SLC38A1: variants seen among roughly 807,000 people sequenced by gnomAD.
The protein encoded by SLC38A1 is sodium-coupled neutral amino acid symporter 1.
SLC38A1 carries 18 observed loss-of-function variants against 60.3 expected under a neutral mutation model. The ratio of observed to expected loss-of-function variants is 0.30; its 90% confidence interval spans 0.21 to 0.44. SLC38A1 has a LOEUF of 0.44. Among genes scored for constraint, SLC38A1 ranks in the 20% least tolerant of loss-of-function variants. The pLI, the probability that SLC38A1 is intolerant of heterozygous loss-of-function variation, is 1.00. For missense variants in SLC38A1, 448 were observed against 587.2 expected, an observed-to-expected ratio of 0.76 and a Z score of 2.45; for synonymous variants, 196 against 212.1, an observed-to-expected ratio of 0.92 and a Z score of 0.66.
intron 1 of SLC38A1, among the ~76,000 whole-genome samples, chr12:46,253,148 A>C (rs1347335748): frequency 6.6e-6 from 1 of 152,170 alleles, no homozygotes; most frequent in African/African-American, 2.4e-5. Flanking sequence ...GTACAACATG[A>C]GGACTGTAGT....
chr12:46,244,820 A>T (rs897466316), intron 1 of SLC38A1, among the ~76,000 whole-genome samples: 5 of 152,384 alleles, frequency 3.3e-5, no homozygotes, highest in African/African-American at 9.6e-5. Context: ...TGTTTTCCTT[A>T]GCGTAAACAG....
In SLC38A1 at chr12:46,229,257, T is replaced by C; in HGVS notation, c.210A>G (p.Thr70=). The change falls in exon 5 of 17, where the codon ACA becomes ACG. Residue 70 remains threonine, a synonymous_variant. Transcript: ENST00000398637. ...TAAAAACAGACATGCCTAAGGAGGT[T>C]GTACCTGGAATCTGAACAAAGAAAC... The part of the protein sequence containing the change: ...KKKCDEYIPG[T]TSLGMSVFNL... The C allele has an allele frequency of 1.2e-6, 2 of 1,609,936 alleles. No homozygotes were observed. Among genetic ancestry groups the C allele is most frequent in the South Asian group, 1.1e-5 (1 of 90,700 alleles).
rs377261007 is a variant in SLC38A1 at position 46,214,401 on chromosome 12, C to G, written c.315-5274G>C. On this transcript the variant is annotated intron_variant, in intron 5 of 16. Transcript: ENST00000398637. ...CATCGATTTGAAAAACGTTATTTGTCAATGTTTTGAATCATATTAACAGAA... is the reference window on the plus strand; with the variant it reads ...CATCGATTTGAAAAACGTTATTTGTGAATGTTTTGAATCATATTAACAGAA... 2.6e-5 allele frequency among the ~76,000 whole-genome samples: 4 copies of G among 152,134 alleles called. No homozygotes were observed. In the East Asian group the frequency reaches 5.8e-4, roughly 22 times the overall value.
At chr12:46,189,164 C>G (rs1308187773) in intron 16 of SLC38A1, 93 bp from the exon 17 acceptor site, 2 of 833,314 alleles carry the variant, frequency 2.4e-6, no homozygotes, top group Non-Finnish European at 4.0e-6. Flanking sequence ...TTTCCTCTCC[C>G]TTTGTGTCCT....
chr12:46,237,041 T>C (rs2138183356), intron 3 of SLC38A1, among the ~76,000 whole-genome samples: 1 of 152,322 alleles, frequency 6.6e-6, no homozygotes, highest in East Asian at 1.9e-4. Flanking sequence ...CTCAAATGAC[T>C]CCACTTTTAT....
At chr12:46,227,423 C>T (rs1940909897) in intron 5 of SLC38A1, among the ~76,000 whole-genome samples, 1 of 152,076 alleles carries the variant, frequency 6.6e-6, no homozygotes, top group South Asian at 2.1e-4. Flanking sequence ...ATTAAAGCTA[C>T]CCTTTATGCC....
At chr12:46,204,736 TA>T (rs1207236842) in intron 9 of SLC38A1, 146 bp from the exon 10 acceptor site, 7 of 621,606 alleles carry the variant, frequency 1.1e-5, no homozygotes, top group Non-Finnish European at 1.9e-5. Context: ...AGAGATCCAA[TA>T]ATAAACATAC....
At chr12:46,228,212 A>G (rs1016469419) in intron 5 of SLC38A1, among the ~76,000 whole-genome samples, 1 of 152,214 alleles carries the variant, frequency 6.6e-6, no homozygotes, top group African/African-American at 2.4e-5. Context: ...TGCCTAACAC[A>G]GGGCAGCATG....
intron 6 of SLC38A1, among the ~76,000 whole-genome samples, chr12:46,208,260 A>C (rs962037980): frequency 2.6e-5 from 4 of 152,240 alleles, no homozygotes; most frequent in African/African-American, 9.6e-5. Context: ...CGACTAGCTC[A>C]TCTCAATAAA....
intron 2 of SLC38A1, among the ~76,000 whole-genome samples, chr12:46,240,278 C>A (rs1941401801): frequency 1.3e-5 from 2 of 152,152 alleles, no homozygotes; most frequent in Admixed American, 1.3e-4. Context: ...CTCACTGCAA[C>A]CTCTGCTTCC....
chr12:46,229,220 C>T lies in SLC38A1; in HGVS notation c.247G>A (p.Ala83Thr), dbSNP rs1387383265. Residue 83 changes from alanine (A) to threonine (T), a missense_variant, in exon 5 of 17, where the codon GCC becomes ACC. This residue lies in a region of SLC38A1 where 346 missense variants were observed against 497.5 expected (regional missense o/e 0.70). Coordinates refer to ENST00000398637, the MANE Select transcript of SLC38A1 (RefSeq NM_030674.4). The part of the protein sequence containing the change: ...LGMSVFNLSN[A>T]IMGSGILGLA... ...CCCAAAATCCCACTGCCCATAATGGCGTTGCTTAGGTTAAAAACAGACATG... is the reference window on the plus strand; with the variant it reads ...CCCAAAATCCCACTGCCCATAATGGTGTTGCTTAGGTTAAAAACAGACATG... 4 of 1,613,664 alleles carry T rather than the reference C, an allele frequency of 2.5e-6. No individual in the cohort carries two copies. Among genetic ancestry groups the T allele is most frequent in the Non-Finnish European group, 3.4e-6 (4 of 1,179,772 alleles).
intron 1 of SLC38A1, among the ~76,000 whole-genome samples, chr12:46,263,438 A>T (rs1942259911): frequency 6.6e-6 from 1 of 152,182 alleles, no homozygotes; most frequent in Non-Finnish European, 1.5e-5. Context: ...TGAAATTCTG[A>T]TATTTAAGAG....
In SLC38A1 at chr12:46,252,996, G is replaced by GAAAAA. The variant is rs71437760; in HGVS notation, c.-208-9687_-208-9683dup. Among the ~76,000 whole-genome samples, 49 of 107,206 alleles carry GAAAAA rather than the reference G, an allele frequency of 4.6e-4. 1 individual carries two copies. Among genetic ancestry groups the GAAAAA allele is most frequent in the African/African-American group, 1.6e-3 (44 of 27,668 alleles). The allele number at this position is 107,206 out of a possible 152,430, so 70.3% of individuals were successfully genotyped here. A position where few individuals can be genotyped will look rare whatever the true frequency, so the allele number is the denominator to read the frequency against. On this transcript the variant is annotated intron_variant, in intron 1 of 16. Coordinates refer to ENST00000398637, the MANE Select transcript of SLC38A1 (RefSeq NM_030674.4). Reference sequence around the variant, plus strand: ...TCATGTATACATGGTATCTTTTTTTGAAAAAAAAAAAAAAAAAGTCTGATA... The same window carrying GAAAAA: ...TCATGTATACATGGTATCTTTTTTTGAAAAAAAAAAAAAAAAAAAAAAGTCTGATA...
At position 46,203,010 on chromosome 12, in the gene SLC38A1, T is replaced by C. The variant is rs1939730835; in HGVS notation, c.902A>G (p.Asp301Gly). 1 of 1,611,156 alleles carries C rather than the reference T, an allele frequency of 6.2e-7. No homozygotes were observed. The highest frequency in any genetic ancestry group is 8.5e-7 in the Non-Finnish European group (1 of 1,178,288). The change falls in exon 12 of 17, where the codon GAC (aspartate) becomes GGC (glycine). Residue 301 changes from aspartate to glycine, a missense_variant and splice_region_variant. By Grantham distance (94) the Asp-to-Gly change is moderately conservative. Transcript: ENST00000398637. The part of the protein sequence containing the change: ...SVLPIYSELK[D>G]RSQKKMQMVS... ...ATAAAAAATTAAACAAATTTCTTAC[T>C]CTTTAAGCTCACTGTAAATTGGCAG...
chr12:46,196,062 C>A, intron 16 of SLC38A1: 2 of 1,314,034 alleles, frequency 1.5e-6, no homozygotes, highest in South Asian at 1.3e-5. Flanking sequence ...CAGACCAGAG[C>A]TGTTCCTATT....
rs1565744090 is a variant in SLC38A1, at chr12:46,188,492, T to C, written c.*478A>G. On this transcript the variant is annotated 3_prime_UTR_variant, in exon 17 of 17. Transcript: ENST00000398637. ...TATGTTAACCAAAATAGGCAAATTA[T>C]TTACGAAACCATTTTTTTCTGTAAA... 6.5e-6 allele frequency: 1 copy of C among 153,132 alleles called. No homozygotes were observed. The highest frequency in any genetic ancestry group is 1.5e-5 in the Non-Finnish European group (1 of 68,388). The allele number at this position is 153,132 out of a possible 1,614,324, so 9.5% of individuals were successfully genotyped here. A position where few individuals can be genotyped will look rare whatever the true frequency, so the allele number is the denominator to read the frequency against.
At chr12:46,229,894 T>A (rs1330998488) in intron 3 of SLC38A1, among the ~76,000 whole-genome samples, 1 of 152,206 alleles carries the variant, frequency 6.6e-6, no homozygotes, top group East Asian at 1.9e-4. Flanking sequence ...CATTTTTATA[T>A]CCTGCACTCT....
chr12:46,204,093 C>A (rs1432379596), intron 11 of SLC38A1, among the ~76,000 whole-genome samples: 1 of 152,158 alleles, frequency 6.6e-6, no homozygotes, highest in African/African-American at 2.4e-5. Context: ...GGGATTTTCA[C>A]AGAGAATGCT....
chr12:46,264,399 C>G (rs1034700978), intron 1 of SLC38A1, among the ~76,000 whole-genome samples: 5 of 152,104 alleles, frequency 3.3e-5, no homozygotes, highest in Non-Finnish European at 7.4e-5. Flanking sequence ...TCACTTGAAA[C>G]AGAGTTACTT....
Sources: gnomAD v4.1 joint callset for allele counts (sites outside exome capture counted in the v4.1 genomes callset) on GRCh38, gnomAD v4.1.1 for gene constraint, gnomAD v4.1.1 regional missense constraint, MANE v1.5 for transcripts, NCBI Gene and HGNC (gene_info 2026-07-23, HGNC 2026-07-21) for gene names.